ABI2: variants seen among roughly 807,000 people sequenced by gnomAD.
ABI2 encodes abelson interactor 2.
In ABI2, 25 loss-of-function variants were observed where a neutral mutation model predicts 59.2. The observed-to-expected ratio is 0.42, with a 90% CI of 0.31 to 0.59. The LOEUF is 0.59. ABI2 is among the 20% of genes least tolerant of loss of function. ABI2 has a pLI of 0.14. For missense variants in ABI2, 545 were observed against 681.8 expected (o/e 0.80, Z 2.23); for synonymous variants, 213 against 235.5 (o/e 0.90, Z 0.87).
At chr2:203,385,037 G>A (rs2096413689) in intron 4 of ABI2, among the ~76,000 whole-genome samples, 1 of 151,566 alleles carries the variant, frequency 6.6e-6, no homozygotes, top group Admixed American at 6.6e-5. Context: ...GTTTCGCCAT[G>A]TTGGCCAGGT....
At chr2:203,350,406 C>T (rs1576412004) in intron 1 of ABI2, among the ~76,000 whole-genome samples, 1 of 151,676 alleles carries the variant, frequency 6.6e-6, no homozygotes, top group Non-Finnish European at 1.5e-5. Flanking sequence ...TGGAGTACAG[C>T]GGCATGATCA....
chr2:203,359,040 A>G (rs965692354), intron 1 of ABI2, among the ~76,000 whole-genome samples: 1 of 152,084 alleles, frequency 6.6e-6, no homozygotes, highest in Non-Finnish European at 1.5e-5. Flanking sequence ...AGAAAAATCC[A>G]TGGAGGGATC....
intron 1 of ABI2, among the ~76,000 whole-genome samples, chr2:203,333,330 T>G (rs1012405030): frequency 1.6e-4 from 24 of 152,194 alleles, no homozygotes; most frequent in Non-Finnish European, 2.4e-4. Context: ...TTTGTAGAAA[T>G]GGGTTTATGT....
rs563663681 is a variant in ABI2 at position 203,402,563 on chromosome 2, A to C, written c.1034-13A>C. The C allele has an allele frequency of 3.4e-6, 5 of 1,462,268 alleles. No homozygotes were observed. The African/African-American group carries it at 7.2e-5, about 21-fold the overall frequency. 90.6% of individuals were successfully genotyped at this position (1,462,268 alleles called of 1,614,324 possible). The stretch of plus-strand genomic sequence containing the variant: ...TCTTTTAATGACATATGTATGTTCT[A>C]TCTCTTTTTCAGGTCATCCTGTACA... On this transcript the variant is annotated splice_polypyrimidine_tract_variant and intron_variant, in intron 8 of 11. Transcript: ENST00000261018.
intron 2 of ABI2, among the ~76,000 whole-genome samples, chr2:203,374,228 G>A (rs913208259): frequency 6.6e-6 from 1 of 151,944 alleles, no homozygotes; most frequent in Non-Finnish European, 1.5e-5. Flanking sequence ...GCCAGGCTCC[G>A]TGGCTCACGC....
chr2:203,338,946 A>G (rs1197617699), intron 1 of ABI2, among the ~76,000 whole-genome samples: 1,709 of 7,522 alleles, frequency 0.23, 170 homozygotes, highest in African/African-American at 0.41. Flanking sequence ...ATATATATAT[A>G]TATATATATA....
At chr2:203,425,832 G>A (rs189414438) in intron 11 of ABI2, among the ~76,000 whole-genome samples, 3 of 151,672 alleles carry the variant, frequency 2.0e-5, no homozygotes, top group African/African-American at 7.3e-5. Context: ...GACCAGCTTG[G>A]CCAACATGGC....
At chr2:203,373,200 T>C (rs2153092089) in intron 2 of ABI2, among the ~76,000 whole-genome samples, 1 of 152,098 alleles carries the variant, frequency 6.6e-6, no homozygotes, top group South Asian at 2.1e-4. Flanking sequence ...CCAGACTCTG[T>C]CTGCAATCCC....
chr2:203,341,669 C>T (rs2152513730), intron 1 of ABI2, among the ~76,000 whole-genome samples: 1 of 152,044 alleles, frequency 6.6e-6, no homozygotes, highest in Admixed American at 6.6e-5. Flanking sequence ...TAGATTGCAC[C>T]ACTGCACTCC....
At chr2:203,394,602 C>A in intron 5 of ABI2, 98 bp from the exon 6 acceptor site, 2 of 1,224,018 alleles carry the variant, frequency 1.6e-6, no homozygotes, top group Non-Finnish European at 1.2e-6. Context: ...CATTTCCTAT[C>A]TCTGATTACA....
chr2:203,371,924 A>C (rs1228215342), intron 2 of ABI2, among the ~76,000 whole-genome samples: 2 of 151,078 alleles, frequency 1.3e-5, no homozygotes, highest in African/African-American at 4.9e-5. Flanking sequence ...TTTTATTTTT[A>C]TTTTATTTAT....
chr2:203,337,551 C>T (rs1040513581), intron 1 of ABI2, among the ~76,000 whole-genome samples: 1 of 152,158 alleles, frequency 6.6e-6, no homozygotes, highest in African/African-American at 2.4e-5. Context: ...ATATTGTTAA[C>T]ATGTCCATAC....
intron 11 of ABI2, among the ~76,000 whole-genome samples, chr2:203,425,008 C>T (rs116061906): frequency 0.013 from 1,952 of 150,790 alleles, 25 homozygotes; most frequent in Middle Eastern, 0.038. Context: ...CACAGGCACG[C>T]GCTACCATGC....
chr2:203,395,448 T>TACAC (rs59156204), intron 6 of ABI2, among the ~76,000 whole-genome samples: 1,368 of 115,302 alleles, frequency 0.012, 24 homozygotes, highest in East Asian at 0.03. Flanking sequence ...TATATATATA[T>TACAC]ACACACACAC....
At chr2:203,392,336 CAACAACAA>C (rs1272850540) in intron 5 of ABI2, among the ~76,000 whole-genome samples, 31 of 130,372 alleles carry the variant, frequency 2.4e-4, no homozygotes, top group African/African-American at 9.3e-4. Flanking sequence ...ACAACAACAA[CAACAACAA>C]AACAACCACA....
chr2:203,334,039 C>G (rs1269083124), intron 1 of ABI2, among the ~76,000 whole-genome samples: 6 of 150,968 alleles, frequency 4.0e-5, no homozygotes, highest in Non-Finnish European at 7.4e-5. Context: ...CTCCTGGGTT[C>G]AAGCAATTCT....
At chr2:203,419,211 G>A (rs1167809816) in intron 11 of ABI2, among the ~76,000 whole-genome samples, 2 of 147,926 alleles carry the variant, frequency 1.4e-5, no homozygotes, top group African/African-American at 2.5e-5. Flanking sequence ...CCGGGTTCAC[G>A]CCATTCTTCT....
chr2:203,383,679 T>G (rs2096276391), intron 4 of ABI2, among the ~76,000 whole-genome samples: 1 of 152,168 alleles, frequency 6.6e-6, no homozygotes, highest in African/African-American at 2.4e-5. Context: ...AAAGATCTAA[T>G]GAAGAATCAC....
chr2:203,412,944 G>C (rs2097738673), intron 10 of ABI2, among the ~76,000 whole-genome samples: 1 of 152,204 alleles, frequency 6.6e-6, no homozygotes, highest in Admixed American at 6.5e-5. Context: ...AAGGTGGAAA[G>C]TCTAAGTAAA....
Sources: gnomAD v4.1 joint callset for allele counts (sites outside exome capture counted in the v4.1 genomes callset) on GRCh38, gnomAD v4.1.1 for gene constraint, MANE v1.5 for transcripts, NCBI Gene and HGNC (gene_info 2026-07-23, HGNC 2026-07-21) for gene names.